Variants in TLE7 observed in about 807,000 individuals in gnomAD.
TLE7 encodes transducin-like enhancer protein 7.
intron 9 of TLE7, 81 bp from the exon 10 acceptor site, chr16:71,430,447 A>C: frequency 2.5e-6 from 1 of 398,498 alleles, no homozygotes; most frequent in Non-Finnish European, 4.4e-6. Flanking sequence ...TTCAAGGCTC[A>C]GTGTAGACCT....
At chr16:71,430,639 G>A (rs2042798016) in intron 9 of TLE7, 29 bp downstream of exon 9, 2 of 398,398 alleles carry the variant, frequency 5.0e-6, no homozygotes, top group African/African-American at 2.1e-5. Flanking sequence ...CCCAGTGCCT[G>A]GGTTCGGGCA....
At chr16:71,439,192 G>A (rs2042838076) in intron 1 of TLE7, among the ~76,000 whole-genome samples, 2 of 152,190 alleles carry the variant, frequency 1.3e-5, no homozygotes, top group South Asian at 4.1e-4. Flanking sequence ...TGACATGGTG[G>A]AGGAGGAGGG....
chr16:71,434,682 A>AT (rs1437626939), intron 1 of TLE7, among the ~76,000 whole-genome samples: 1 of 152,120 alleles, frequency 6.6e-6, no homozygotes, highest in African/African-American at 2.4e-5. Flanking sequence ...CATTTTATAG[A>AT]TTTTTTAAAA....
intron 1 of TLE7, among the ~76,000 whole-genome samples, chr16:71,434,159 T>C (rs2042817842): frequency 1.3e-5 from 2 of 152,224 alleles, no homozygotes; most frequent in South Asian, 4.1e-4. Flanking sequence ...ATGATGAAGT[T>C]GGCTTGGAGG....
At chr16:71,441,608 G>A (rs34766979) in intron 1 of TLE7, among the ~76,000 whole-genome samples, 14,522 of 152,298 alleles carry the variant, frequency 0.095, 973 homozygotes, top group Middle Eastern at 0.21. Context: ...GCGGGCAGGG[G>A]TGCAGCGAGC....
At chr16:71,430,581 T>C (rs1046224383) in intron 9 of TLE7, 87 bp downstream of exon 9, 3 of 397,910 alleles carry the variant, frequency 7.5e-6, no homozygotes, top group Non-Finnish European at 1.3e-5. Flanking sequence ...AGAGGTGTTT[T>C]CCAACACCCA....
rs1596983790 is a variant in TLE7, at chr16:71,430,405, G to T, written c.1222-39C>A. 10 of 398,776 alleles carry T rather than the reference G, an allele frequency of 2.5e-5. No homozygotes were observed. The East Asian group carries it at 3.6e-4, about 14-fold the overall frequency. 24.7% of individuals were successfully genotyped at this position (398,776 alleles called of 1,614,324 possible). A position where few individuals can be genotyped will look rare whatever the true frequency, so the allele number is the denominator to read the frequency against. The stretch of plus-strand genomic sequence containing the variant: ...AGGGCCAAAACAGGGATCACATTTG[G>T]GGCCAGACATGAAGGCTTCATTTAG... On this transcript the variant is annotated intron_variant, in intron 9 of 9. Coordinates refer to ENST00000561754, the MANE Select transcript of TLE7 (RefSeq NM_001367365.2).
Position 71,433,189 on chromosome 16 carries a change from G to C in TLE7, c.136C>G (p.Leu46Val). 2.5e-6 allele frequency: 1 copy of C among 398,784 alleles called. No homozygotes were observed. Among genetic ancestry groups the C allele is most frequent in the Non-Finnish European group, 4.4e-6 (1 of 226,172 alleles). The allele number at this position is 398,784 out of a possible 1,614,324, so 24.7% of individuals were successfully genotyped here. ...GGGGGCTGCCAGGGCACTCCCAACA[G>C]ACTGCCCAGTTGCTGCTGCACTTGT... ...EPQVQQQLGS[L>V]LGVPWQPPGP... The change falls in exon 2 of 10, where the codon CTG becomes GTG. Residue 46 changes from leucine (L) to valine (V), a missense_variant. Coordinates refer to ENST00000561754, the MANE Select transcript of TLE7 (RefSeq NM_001367365.2).
rs990891180 is a variant in TLE7 at position 71,429,997 on chromosome 16, T to C, written c.*265A>G. Among the ~76,000 whole-genome samples the C allele has an allele frequency of 2.0e-5, 3 of 152,244 alleles. No homozygotes were observed. Among genetic ancestry groups the C allele is most frequent in the African/African-American group, 4.8e-5 (2 of 41,456 alleles). ...CAAGCCACTTTGCTTTCTGCTTTGC[T>C]ATTTTATTCATTACAAAGGGATCTC... On this transcript the variant is annotated 3_prime_UTR_variant, in exon 10 of 10. Transcript: ENST00000561754.
At chr16:71,437,494 T>C (rs2042831113) in intron 1 of TLE7, among the ~76,000 whole-genome samples, 1 of 146,408 alleles carries the variant, frequency 6.8e-6, no homozygotes, top group Non-Finnish European at 1.5e-5. Flanking sequence ...GAAAGAAATT[T>C]TGATTCAGTA....
At chr16:71,432,849 A>G in intron 3 of TLE7, 21 bp downstream of exon 3, 2 of 399,034 alleles carry the variant, frequency 5.0e-6, no homozygotes, top group Non-Finnish European at 8.8e-6. Flanking sequence ...AACCACACGC[A>G]CCACTATGAC....
intron 1 of TLE7, among the ~76,000 whole-genome samples, chr16:71,440,547 C>G (rs1239066995): frequency 6.6e-6 from 1 of 152,150 alleles, no homozygotes; most frequent in Non-Finnish European, 1.5e-5. Context: ...GACCCAAAAC[C>G]AGACATGGGG....
At chr16:71,438,424 C>CAAAAA (rs11383356) in intron 1 of TLE7, among the ~76,000 whole-genome samples, 17 of 82,980 alleles carry the variant, frequency 2.0e-4, no homozygotes, top group Admixed American at 7.5e-4. Context: ...GACTCCATCT[C>CAAAAA]AAAAAAAAAA....
chr16:71,440,465 G>A (rs978648489), intron 1 of TLE7, among the ~76,000 whole-genome samples: 2 of 149,160 alleles, frequency 1.3e-5, no homozygotes, highest in Admixed American at 1.3e-4. Context: ...GCAACAGAGC[G>A]AGACTGCGCC....
intron 1 of TLE7, among the ~76,000 whole-genome samples, 161 bp from the exon 2 acceptor site, chr16:71,433,581 C>T (rs16972708): frequency 0.024 from 3,690 of 152,304 alleles, 129 homozygotes; most frequent in African/African-American, 0.083. Context: ...AGGGTGAAAG[C>T]GTCACACAAG....
In TLE7 at chr16:71,431,002, G is replaced by T; in HGVS notation, c.1147+119C>A. On this transcript the variant is annotated intron_variant, in intron 8 of 9. Transcript: ENST00000561754. This position sits in a 1 kb window ranked among gnomAD's most constrained non-coding sequence, Gnocchi z 4.5. The stretch of plus-strand genomic sequence containing the variant: ...GCCTGAGTCTTCAGGCTGTCATTCT[G>T]TGCAGGATCTCCCATTACGGAGGGA... The T allele has an allele frequency of 2.5e-6, 1 of 399,648 alleles. No homozygotes were observed. The highest frequency in any genetic ancestry group is 4.4e-6 in the Non-Finnish European group (1 of 226,184). 24.8% of individuals were successfully genotyped at this position (399,648 alleles called of 1,614,324 possible). A position where few individuals can be genotyped will look rare whatever the true frequency, so the allele number is the denominator to read the frequency against.
intron 5 of TLE7, 38 bp from the exon 6 acceptor site, chr16:71,432,040 G>A (rs1192574319): frequency 1.5e-5 from 6 of 400,750 alleles, no homozygotes; most frequent in Non-Finnish European, 2.7e-5. Flanking sequence ...TCCCCTTGGG[G>A]CACCGAACCT....
rs908692221 is a variant in TLE7, at chr16:71,431,335, C to T, written c.994-61G>A. Reference sequence around the variant, plus strand: ...AGTTGCCAACGCCATCCTTTGTGCCCACCTCTCAAGCTCACACTCCCACCC... The same window carrying T: ...AGTTGCCAACGCCATCCTTTGTGCCTACCTCTCAAGCTCACACTCCCACCC... On this transcript the variant is annotated intron_variant, in intron 7 of 9. Coordinates refer to ENST00000561754, the MANE Select transcript of TLE7 (RefSeq NM_001367365.2). The surrounding 1 kb of genome is among the most constrained non-coding windows in gnomAD (Gnocchi z 4.5). 5 of 399,262 alleles carry T rather than the reference C, an allele frequency of 1.3e-5. No homozygotes were observed. Among genetic ancestry groups the T allele is most frequent in the Non-Finnish European group, 2.2e-5 (5 of 226,268 alleles). The allele number at this position is 399,262 out of a possible 1,614,324, so 24.7% of individuals were successfully genotyped here.
intron 1 of TLE7, among the ~76,000 whole-genome samples, chr16:71,433,953 G>A (rs889402168): frequency 5.3e-5 from 8 of 152,126 alleles, no homozygotes; most frequent in Non-Finnish European, 1.2e-4. Flanking sequence ...GCAAGACTCC[G>A]TCTCAAAAAA....
Sources: allele counts gnomAD v4.1 joint callset (sites outside exome capture counted in the v4.1 genomes callset), GRCh38; gene constraint gnomAD v4.1.1; non-coding constraint Gnocchi (gnomAD v3.1); transcripts MANE v1.5; gene names NCBI Gene and HGNC (gene_info 2026-07-23, HGNC 2026-07-21).